Variants in USP40 observed in about 807,000 individuals in gnomAD.
The protein encoded by USP40 is ubiquitin specific peptidase 40.
In USP40, 143 loss-of-function variants were observed where a neutral mutation model predicts 166.2. The ratio of observed to expected loss-of-function variants is 0.86; its 90% CI spans 0.75 to 0.99. The LOEUF (loss-of-function observed/expected upper bound fraction) is 0.99, where lower values mean the gene tolerates loss of function less well. USP40 is among the 50% of genes least tolerant of loss of function. The probability of loss-of-function intolerance (pLI) is 0.00; values close to 1 mark genes in which losing one functional copy is unlikely to be tolerated. For missense variants in USP40, 1,444 were observed against 1,479.7 expected (o/e 0.98, Z 0.40); for synonymous variants, 498 against 524.0 (o/e 0.95, Z 0.68).
Position 233,533,618 on chromosome 2 carries a change from G to A in USP40, c.1332C>T (p.Ile444=). 4 of 1,613,784 alleles carry A rather than the reference G, an allele frequency of 2.5e-6. No individual in the cohort carries two copies. Among genetic ancestry groups the A allele is most frequent in the South Asian group, 1.1e-5 (1 of 91,074 alleles). The change falls in exon 11 of 32, where the codon ATC becomes ATT. Residue 444 remains isoleucine, a synonymous_variant. Coordinates refer to ENST00000678225, the MANE Select transcript of USP40 (RefSeq NM_001365479.2). ...PPESPGLNNS[I]SCPHWFDIND... is the part of the protein sequence containing the mutation. ...TTATATCAAACCAGTGGGGACAGGA[G>A]ATGCTATTGTTTAAACCTGGGGATT...
At chr2:233,491,313 G>A (rs2125068457) in intron 25 of USP40, 52 bp from the exon 26 acceptor site, 1 of 1,302,446 alleles carries the variant, frequency 7.7e-7, no homozygotes, top group South Asian at 1.3e-5. Flanking sequence ...CTTATTTTGT[G>A]TTTCTGAAAT....
At chr2:233,477,992 C>T (rs1050859708) in intron 31 of USP40, among the ~76,000 whole-genome samples, 12 of 152,214 alleles carry the variant, frequency 7.9e-5, no homozygotes, top group African/African-American at 2.4e-4. Flanking sequence ...TGGCACCGTG[C>T]GGCAGGTGCT....
At position 233,491,672 on chromosome 2, in the gene USP40, C is replaced by A. The variant is rs1412767000; in HGVS notation, c.2918-411G>T. 2.6e-5 allele frequency among the ~76,000 whole-genome samples: 4 copies of A among 151,982 alleles called. No homozygotes were observed. In the South Asian group the frequency reaches 8.3e-4, roughly 32 times the overall value. On this transcript the variant is annotated intron_variant, in intron 25 of 31. Coordinates refer to ENST00000678225, the MANE Select transcript of USP40 (RefSeq NM_001365479.2). ...TGTGCAGGCGTTTAATCTGCCTCCTCAAAACAACAGAATTTTCAAGAGGAG... is the reference window on the plus strand; with the variant it reads ...TGTGCAGGCGTTTAATCTGCCTCCTAAAAACAACAGAATTTTCAAGAGGAG...
chr2:233,562,534 G>A lies in USP40; in HGVS notation c.267+202C>T, dbSNP rs902317751. ...GAACAATGAGAACACATGGACACAG[G>A]AAGGGGAACATCACACTCTGGGGAC... On this transcript the variant is annotated intron_variant, in intron 3 of 31. Transcript: ENST00000678225. Among the ~76,000 whole-genome samples the A allele has an allele frequency of 2.7e-4, 40 of 146,608 alleles. 2 individuals are homozygous for A. Among genetic ancestry groups the A allele is most frequent in the Non-Finnish European group, 1.0e-4 (7 of 66,826 alleles).
chr2:233,500,406 G>A (rs1169853081), intron 21 of USP40, among the ~76,000 whole-genome samples: 1 of 152,002 alleles, frequency 6.6e-6, no homozygotes, highest in Non-Finnish European at 1.5e-5. Context: ...GTGATGTCAT[G>A]GCATAATGCA....
At chr2:233,518,566 CAAAA>C (rs61393952) in intron 18 of USP40, among the ~76,000 whole-genome samples, 2 of 77,822 alleles carry the variant, frequency 2.6e-5, no homozygotes, top group Admixed American at 1.4e-4. Context: ...GACTCTGTCT[CAAAA>C]AAAAAAAAAA....
chr2:233,511,457 G>A (rs2066829785), intron 20 of USP40, among the ~76,000 whole-genome samples: 1 of 152,192 alleles, frequency 6.6e-6, no homozygotes, highest in Non-Finnish European at 1.5e-5. Context: ...GTGGTTGAAA[G>A]TGGTGGCCAC....
Position 233,475,819 on chromosome 2 carries a change from G to A in USP40, c.*1573C>T, listed in dbSNP as rs2064156735. On this transcript the variant is annotated 3_prime_UTR_variant, in exon 32 of 32. Coordinates refer to ENST00000678225, the MANE Select transcript of USP40 (RefSeq NM_001365479.2). The stretch of plus-strand genomic sequence containing the variant: ...ATGAAGGCAGATGCTACAGAAATAT[G>A]TCAGTTAAAGCCACAGAAACAGAAC... 6.6e-6 allele frequency: 1 copy of A among 152,424 alleles called. No homozygotes were observed. Among genetic ancestry groups the A allele is most frequent in the Non-Finnish European group, 1.5e-5 (1 of 68,076 alleles). The allele number at this position is 152,424 out of a possible 1,614,324, so 9.4% of individuals were successfully genotyped here.
chr2:233,517,647 A>C lies in USP40; in HGVS notation c.2383+1967T>G, dbSNP rs570696744. On this transcript the variant is annotated intron_variant, in intron 18 of 31. Coordinates refer to ENST00000678225, the MANE Select transcript of USP40 (RefSeq NM_001365479.2). Reference sequence around the variant, plus strand: ...TGTGGTCTCCCCGCCTCGGCCTCCCAAAGTGCTGGGATTACAGGCGTGAGC... The same window carrying C: ...TGTGGTCTCCCCGCCTCGGCCTCCCCAAGTGCTGGGATTACAGGCGTGAGC... Among the ~76,000 whole-genome samples the C allele has an allele frequency of 1.6e-4, 25 of 152,246 alleles. No individual in the cohort carries two copies. The South Asian group carries it at 5.2e-3, about 32-fold the overall frequency.
At chr2:233,540,046 G>A (rs1206644840) in intron 10 of USP40, among the ~76,000 whole-genome samples, 9 of 150,686 alleles carry the variant, frequency 6.0e-5, no homozygotes, top group African/African-American at 2.2e-4. Context: ...AATCACTGGA[G>A]CCTGGGAGGT....
chr2:233,549,894 T>C (rs754106568), intron 7 of USP40, among the ~76,000 whole-genome samples: 42 of 152,124 alleles, frequency 2.8e-4, no homozygotes, highest in Non-Finnish European at 4.3e-4. Flanking sequence ...TAATCATGAG[T>C]GATCAAACAG....
At chr2:233,546,214 G>C (rs2069921779) in intron 8 of USP40, 1 of 152,184 alleles carries the variant, frequency 6.6e-6, no homozygotes, top group African/African-American at 2.4e-5. Flanking sequence ...GATGCTGCTA[G>C]AAAGAAGCTG....
At chr2:233,526,082 A>ACCTT (rs1259790165) in intron 13 of USP40, among the ~76,000 whole-genome samples, 1 of 152,218 alleles carries the variant, frequency 6.6e-6, no homozygotes, top group Non-Finnish European at 1.5e-5. Flanking sequence ...TGAGAGTCTG[A>ACCTT]GCACTGTGGC....
chr2:233,506,618 G>C (rs976153299), intron 21 of USP40, among the ~76,000 whole-genome samples: 1 of 151,996 alleles, frequency 6.6e-6, no homozygotes, highest in African/African-American at 2.4e-5. Context: ...AAGGGAGCTG[G>C]GCGGGGTTGC....
In USP40 at chr2:233,551,537, T is replaced by C. The variant is rs2070563293; in HGVS notation, c.694-18A>G. 1 of 1,566,586 alleles carries C rather than the reference T, an allele frequency of 6.4e-7. No homozygotes were observed. Among genetic ancestry groups the C allele is most frequent in the African/African-American group, 1.4e-5 (1 of 72,578 alleles). On this transcript the variant is annotated intron_variant, in intron 6 of 31. Transcript: ENST00000678225. ...TTGGCCGACTGTTAAAAGAAAAATTTACAAAGCTTTTTAAAAACAGGGTTA... is the reference window on the plus strand; with the variant it reads ...TTGGCCGACTGTTAAAAGAAAAATTCACAAAGCTTTTTAAAAACAGGGTTA...
intron 10 of USP40, among the ~76,000 whole-genome samples, chr2:233,539,393 C>A (rs1489151745): frequency 6.6e-6 from 1 of 152,040 alleles, no homozygotes; most frequent in African/African-American, 2.4e-5. Flanking sequence ...TTCAAAAGAA[C>A]TGAACTCATA....
At chr2:233,534,974 A>C (rs1199593308) in intron 10 of USP40, among the ~76,000 whole-genome samples, 1 of 152,196 alleles carries the variant, frequency 6.6e-6, no homozygotes, top group East Asian at 1.9e-4. Context: ...AACCCAAAGT[A>C]GGCATAAAGT....
At chr2:233,529,629 G>T in intron 11 of USP40, 117 bp from the exon 12 acceptor site, 1 of 594,718 alleles carries the variant, frequency 1.7e-6, no homozygotes, top group Non-Finnish European at 2.8e-6. Flanking sequence ...CTACTAATTA[G>T]CTGTGTGAAT....
chr2:233,529,302 AACAG>A (rs2068305686), intron 12 of USP40, 125 bp downstream of exon 12: 2 of 714,024 alleles, frequency 2.8e-6, no homozygotes, highest in African/African-American at 3.6e-5. Context: ...TCAGCAGCCA[AACAG>A]ACACTTGCAT....
Sources: gnomAD v4.1 joint callset for allele counts (sites outside exome capture counted in the v4.1 genomes callset) on GRCh38, gnomAD v4.1.1 for gene constraint, MANE v1.5 for transcripts, NCBI Gene and HGNC (gene_info 2026-07-23, HGNC 2026-07-21) for gene names.